Variants in PARG observed in about 807,000 individuals in gnomAD.
The protein encoded by PARG is poly(ADP-ribose) glycohydrolase.
In PARG, 35 loss-of-function variants were observed where a neutral mutation model predicts 113.0. That is an observed-to-expected ratio of 0.31 (90% CI 0.24 to 0.41). The LOEUF is 0.41. PARG is among the 10% of genes least tolerant of loss of function. The pLI is 1.00. For missense variants in PARG, 797 were observed against 1,169.4 expected (o/e 0.68, Z 4.64); for synonymous variants, 330 against 409.9 (o/e 0.81, Z 2.36).
intron 7 of PARG, among the ~76,000 whole-genome samples, chr10:49,913,778 C>T (rs2132832977): frequency 6.6e-6 from 1 of 152,250 alleles, no homozygotes. Flanking sequence ...TGGCGGGCAC[C>T]TGTAATCCCA....
chr10:49,936,594 T>C (rs1838751245), intron 1 of PARG, among the ~76,000 whole-genome samples: 1 of 152,190 alleles, frequency 6.6e-6, no homozygotes, highest in African/African-American at 2.4e-5. Context: ...ATATACTGAA[T>C]AGGGATTAAA....
intron 15 of PARG, among the ~76,000 whole-genome samples, chr10:49,840,155 G>T (rs928846322): frequency 6.6e-6 from 1 of 152,112 alleles, no homozygotes; most frequent in African/African-American, 2.4e-5. Flanking sequence ...TTGGGAGGCC[G>T]ACGGGGAGGA....
intron 4 of PARG, among the ~76,000 whole-genome samples, chr10:49,923,655 C>T (rs1198794504): frequency 1.3e-5 from 2 of 151,834 alleles, no homozygotes; most frequent in African/African-American, 4.8e-5. Context: ...CAGCCGGCGC[C>T]AGGGAAAGGA....
chr10:49,840,835 T>C (rs1313761315), intron 15 of PARG, among the ~76,000 whole-genome samples: 1 of 152,208 alleles, frequency 6.6e-6, no homozygotes, highest in Non-Finnish European at 1.5e-5. Flanking sequence ...TGTATAGCCA[T>C]GTAAAAACCA....
chr10:49,820,249 C>T lies in PARG; in HGVS notation c.2692G>A (p.Val898Ile). ...LAAAAAERDV[V>I]YFTFGDSELM... Reference sequence around the variant, plus strand: ...TCTGAGTCCCCAAAGGTGAAATAAACCACATCTCGCTCAGCTGCAGCAGCT... The same window carrying T: ...TCTGAGTCCCCAAAGGTGAAATAAATCACATCTCGCTCAGCTGCAGCAGCT... Residue 898 changes from valine to isoleucine, a missense_variant, in exon 17 of 18, where the codon GTT becomes ATT. Val to Ile is a conservative substitution (Grantham distance 29). Transcript: ENST00000616448. The T allele has an allele frequency of 6.5e-7, 1 of 1,545,216 alleles. No homozygotes were observed. Among genetic ancestry groups the T allele is most frequent in the Non-Finnish European group, 8.8e-7 (1 of 1,140,966 alleles).
chr10:49,823,306 A>G (rs1219115886), intron 16 of PARG, among the ~76,000 whole-genome samples: 1 of 152,148 alleles, frequency 6.6e-6, no homozygotes, highest in Non-Finnish European at 1.5e-5. Flanking sequence ...AGAAAGTTTT[A>G]AAAATTACAT....
intron 15 of PARG, among the ~76,000 whole-genome samples, chr10:49,835,229 T>C (rs1368386176): frequency 1.3e-5 from 2 of 152,182 alleles, no homozygotes; most frequent in Non-Finnish European, 2.9e-5. Context: ...GAGCTCTATA[T>C]TGGCAAATGC....
chr10:49,822,757 A>G (rs1465044261), intron 16 of PARG, among the ~76,000 whole-genome samples: 2 of 152,230 alleles, frequency 1.3e-5, no homozygotes, highest in Non-Finnish European at 2.9e-5. Context: ...ATCAAAATTA[A>G]GATCACCAGT....
intron 13 of PARG, among the ~76,000 whole-genome samples, chr10:49,848,764 A>T (rs2132480618): frequency 6.6e-6 from 1 of 152,304 alleles, no homozygotes; most frequent in East Asian, 1.9e-4. Flanking sequence ...ATAATTAAAA[A>T]CAGAAATTTT....
chr10:49,840,064 T>G (rs879964832), intron 15 of PARG, among the ~76,000 whole-genome samples: 4 of 152,202 alleles, frequency 2.6e-5, no homozygotes, highest in African/African-American at 4.8e-5. Flanking sequence ...AAAATAGGCT[T>G]ACATTTAAAA....
intron 8 of PARG, among the ~76,000 whole-genome samples, chr10:49,882,279 G>A (rs1392693048): frequency 6.6e-6 from 1 of 150,448 alleles, no homozygotes; most frequent in African/African-American, 2.5e-5. Context: ...AAAAGTTCCT[G>A]ACCAAATTTG....
intron 7 of PARG, among the ~76,000 whole-genome samples, chr10:49,898,750 C>T (rs1431253454): frequency 5.3e-5 from 8 of 151,758 alleles, no homozygotes; most frequent in Non-Finnish European, 7.4e-5. Context: ...GCTACAGATA[C>T]GATCCTGGAA....
At chr10:49,881,253 T>C (rs1326124604) in intron 8 of PARG, among the ~76,000 whole-genome samples, 1 of 152,218 alleles carries the variant, frequency 6.6e-6, no homozygotes, top group African/African-American at 2.4e-5. Context: ...AAGCCAAGCC[T>C]GACCATCTTG....
At chr10:49,922,991 C>T (rs1384140864) in intron 4 of PARG, among the ~76,000 whole-genome samples, 1 of 152,186 alleles carries the variant, frequency 6.6e-6, no homozygotes, top group Non-Finnish European at 1.5e-5. Flanking sequence ...TAAAGAACTC[C>T]CAGGCTTCTA....
chr10:49,931,590 C>G (rs1399697099), intron 4 of PARG, among the ~76,000 whole-genome samples: 1 of 151,642 alleles, frequency 6.6e-6, no homozygotes, highest in Non-Finnish European at 1.5e-5. Flanking sequence ...TCAGCACTCT[C>G]GACTCACTGG....
At chr10:49,921,941 T>C (rs1204912434) in intron 6 of PARG, among the ~76,000 whole-genome samples, 2 of 152,158 alleles carry the variant, frequency 1.3e-5, no homozygotes, top group Non-Finnish European at 2.9e-5. Flanking sequence ...AACATATACT[T>C]TAATCATTGG....
At chr10:49,857,102 G>T (rs1554835180) in intron 13 of PARG, among the ~76,000 whole-genome samples, 1 of 150,016 alleles carries the variant, frequency 6.7e-6, no homozygotes, top group Non-Finnish European at 1.5e-5. Flanking sequence ...ACGAAAGAAA[G>T]AAAAGGTAAA....
intron 10 of PARG, 48 bp from the exon 11 acceptor site, chr10:49,865,429 T>C (rs782765730): frequency 7.7e-5 from 47 of 609,066 alleles, no homozygotes; most frequent in Non-Finnish European, 1.2e-4. Context: ...GTTTCAATTT[T>C]GAAAAGATTA....
chr10:49,918,116 G>T (rs1325663262), intron 6 of PARG, among the ~76,000 whole-genome samples: 9 of 152,198 alleles, frequency 5.9e-5, no homozygotes, highest in Non-Finnish European at 1.0e-4. Context: ...TGGGGCCAGA[G>T]CAGAAAATGG....
Sources: allele counts gnomAD v4.1 joint callset (sites outside exome capture counted in the v4.1 genomes callset), GRCh38; gene constraint gnomAD v4.1.1; transcripts MANE v1.5; gene names NCBI Gene and HGNC (gene_info 2026-07-23, HGNC 2026-07-21).